MYO5A: variants seen among roughly 807,000 people sequenced by gnomAD.
The protein encoded by MYO5A is myosin VA, also known as unconventional myosin-Va.
A neutral mutation model predicts 249.7 loss-of-function variants in MYO5A; 98 were observed. That is an observed-to-expected ratio of 0.39 (90% CI 0.33 to 0.46). The LOEUF is 0.46. Ranked by LOEUF, MYO5A falls within the 20% of genes least tolerant of loss-of-function variation. The probability of loss-of-function intolerance (pLI) is 0.98; values close to 1 mark genes in which losing one functional copy is unlikely to be tolerated. For missense variants in MYO5A, 1,696 were observed against 2,308.8 expected, an observed-to-expected ratio of 0.73 and a Z score of 5.44; for synonymous variants, 778 against 810.6, an observed-to-expected ratio of 0.96 and a Z score of 0.68.
chr15:52,340,085 T>A, intron 32 of MYO5A, 111 bp downstream of exon 32: 2 of 1,123,170 alleles, frequency 1.8e-6, no homozygotes, highest in Non-Finnish European at 1.3e-6. Flanking sequence ...GGGTAACAAG[T>A]ACAGAGGGGT....
chr15:52,476,591 G>A (rs2076599799), intron 1 of MYO5A, among the ~76,000 whole-genome samples: 1 of 152,150 alleles, frequency 6.6e-6, no homozygotes, highest in African/African-American at 2.4e-5. Flanking sequence ...AGGCCTGGTG[G>A]TGACAAAATC....
intron 38 of MYO5A, among the ~76,000 whole-genome samples, chr15:52,319,904 T>C (rs1171209352): frequency 6.6e-6 from 1 of 152,242 alleles, no homozygotes; most frequent in Non-Finnish European, 1.5e-5. Context: ...TAAGAAGCAG[T>C]AGCCTTGTGA....
rs897849019 is a variant in MYO5A at position 52,484,836 on chromosome 15, G to A, written c.27+43944C>T. Reference sequence around the variant, plus strand: ...AGCCTGGCCAACATGGTGAAACCCCGTCTCTACTGAAAATACAAAGAAATA... The same window carrying A: ...AGCCTGGCCAACATGGTGAAACCCCATCTCTACTGAAAATACAAAGAAATA... On this transcript the variant is annotated intron_variant, in intron 1 of 41. Transcript: ENST00000399233. Among the ~76,000 whole-genome samples, 5 of 151,678 alleles carry A rather than the reference G, an allele frequency of 3.3e-5. No homozygotes were observed. In the East Asian group the frequency reaches 5.8e-4, roughly 18 times the overall value.
chr15:52,459,940 G>A (rs7173411), intron 1 of MYO5A, among the ~76,000 whole-genome samples: 4 of 149,720 alleles, frequency 2.7e-5, no homozygotes, highest in African/African-American at 7.4e-5. Flanking sequence ...CGGGGCGGCC[G>A]GTCAGAGACG....
At chr15:52,393,468 A>G (rs1432412257) in intron 11 of MYO5A, among the ~76,000 whole-genome samples, 1 of 150,826 alleles carries the variant, frequency 6.6e-6, no homozygotes, top group African/African-American at 2.4e-5. Context: ...GTCTGGGCTC[A>G]CTGCAACCTC....
At chr15:52,439,644 T>C (rs1012466487) in intron 1 of MYO5A, among the ~76,000 whole-genome samples, 1 of 152,166 alleles carries the variant, frequency 6.6e-6, no homozygotes, top group African/African-American at 2.4e-5. Flanking sequence ...GGATTTTCCA[T>C]GAAGCCATAC....
Position 52,310,623 on chromosome 15 carries a change from A to T in MYO5A, c.*3073T>A, listed in dbSNP as rs1324289978. On this transcript the variant is annotated 3_prime_UTR_variant, in exon 42 of 42. Transcript: ENST00000399233. ...GGAAGGCCAGCAGGGGCAACTGAGG[A>T]CTGACTCCATCCACCTGCCTTCAGT... 3 of 152,336 alleles carry T rather than the reference A, an allele frequency of 2.0e-5. No homozygotes were observed. The highest frequency in any genetic ancestry group is 4.4e-5 in the Non-Finnish European group (3 of 68,126). 9.4% of individuals were successfully genotyped at this position (152,336 alleles called of 1,614,324 possible). A position where few individuals can be genotyped will look rare whatever the true frequency, so the allele number is the denominator to read the frequency against.
chr15:52,418,665 G>A (rs936377811), intron 4 of MYO5A, among the ~76,000 whole-genome samples: 1 of 150,608 alleles, frequency 6.6e-6, no homozygotes, highest in Non-Finnish European at 1.5e-5. Flanking sequence ...AGGAAATGGA[G>A]TTAAATTATG....
At chr15:52,522,233 G>A (rs2077637497) in intron 1 of MYO5A, among the ~76,000 whole-genome samples, 1 of 152,208 alleles carries the variant, frequency 6.6e-6, no homozygotes, top group Admixed American at 6.5e-5. Flanking sequence ...CTTTTGGGGT[G>A]ATGGAAATGT....
intron 27 of MYO5A, among the ~76,000 whole-genome samples, chr15:52,352,925 C>G (rs866562020): frequency 6.6e-6 from 1 of 152,206 alleles, no homozygotes; most frequent in Admixed American, 6.5e-5. Context: ...CTCCCACCAA[C>G]TGGTAATCAG....
At chr15:52,526,364 TTTTA>T (rs1024468559) in intron 1 of MYO5A, among the ~76,000 whole-genome samples, 2 of 152,012 alleles carry the variant, frequency 1.3e-5, no homozygotes, top group South Asian at 2.1e-4. Flanking sequence ...CCCAGCTAAT[TTTTA>T]TTTATTTATT....
At chr15:52,343,093 C>G (rs1207033633) in intron 31 of MYO5A, 24 bp downstream of exon 31, 3 of 1,582,186 alleles carry the variant, frequency 1.9e-6, no homozygotes, top group Non-Finnish European at 2.6e-6. Context: ...TAATAACATT[C>G]CATTTTGAGG....
chr15:52,343,166 CA>C lies in MYO5A; in HGVS notation c.3990del (p.Asn1330LysfsTer13). ...TAAACCAGCCACAGCTCTCCATCCT[CA>C]TTCAACTCATGGTAATCCAGAGCAG... ...RSSALDYHELNEDGELWLVYE... is the reference protein window; with the variant it reads ...RSSALDYHELXEDGELWLVYE... On this transcript the variant is annotated frameshift_variant, in exon 31 of 42. Coordinates refer to ENST00000399233, the MANE Select transcript of MYO5A (RefSeq NM_001382347.1). LOFTEE classifies it high-confidence loss of function. The C allele has an allele frequency of 6.2e-7, 1 of 1,613,972 alleles. No individual in the cohort carries two copies. The highest frequency in any genetic ancestry group is 8.5e-7 in the Non-Finnish European group (1 of 1,179,834).
At position 52,321,419 on chromosome 15, in the gene MYO5A, C is replaced by T; in HGVS notation, c.4891G>A (p.Ala1631Thr). Reference protein sequence around the residue: ...AEYRQVLSDLAIQIYQQLVRV... With the variant: ...AEYRQVLSDLTIQIYQQLVRV... The stretch of plus-strand genomic sequence containing the variant: ...ACGAGCTGCTGGTAGATCTGAATGG[C>T]CAAGTCACTCAGCACCTGCCGATAC... Residue 1631 changes from alanine to threonine, a missense_variant, in exon 38 of 42, where the codon GCC (alanine) becomes ACC (threonine). By Grantham distance (58) the Ala-to-Thr change is moderately conservative (BLOSUM62 0). Around this residue, in one of 5 missense-constraint regions of MYO5A, gnomAD observed 625 missense variants for 908.1 expected, o/e 0.69. Transcript: ENST00000399233. The T allele has an allele frequency of 6.2e-7, 1 of 1,614,184 alleles. No individual in the cohort carries two copies. Among genetic ancestry groups the T allele is most frequent in the Non-Finnish European group, 8.5e-7 (1 of 1,180,038 alleles).
chr15:52,418,990 A>G (rs867497233), intron 4 of MYO5A, among the ~76,000 whole-genome samples: 27 of 152,234 alleles, frequency 1.8e-4, no homozygotes, highest in African/African-American at 1.7e-4. Context: ...AAGATCATCA[A>G]CTTGTCCTCT....
At chr15:52,479,234 T>A (rs2141484313) in intron 1 of MYO5A, among the ~76,000 whole-genome samples, 1 of 152,212 alleles carries the variant, frequency 6.6e-6, no homozygotes, top group East Asian at 1.9e-4. Context: ...CTCCTCAGCC[T>A]CCCAAAGTGC....
intron 19 of MYO5A, 135 bp from the exon 20 acceptor site, chr15:52,375,595 C>T (rs1351532531): frequency 2.1e-6 from 2 of 935,978 alleles, no homozygotes; most frequent in African/African-American, 1.6e-5. Flanking sequence ...AATGTGCATG[C>T]TAAGTCAACA....
In MYO5A at chr15:52,439,816, GA is replaced by G. The variant is rs1363024363; in HGVS notation, c.28-6532del. 2.0e-5 allele frequency among the ~76,000 whole-genome samples: 3 copies of G among 152,138 alleles called. No individual in the cohort carries two copies. The South Asian group carries it at 6.2e-4, about 32-fold the overall frequency. ...TGAGATTTGAGGTATTGGGATTAAA[GA>G]AAAAACCTAGGGAGGGAGAAATGAG... On this transcript the variant is annotated intron_variant, in intron 1 of 41. Coordinates refer to ENST00000399233, the MANE Select transcript of MYO5A (RefSeq NM_001382347.1).
At chr15:52,447,197 TGGG>T (rs1036871325) in intron 1 of MYO5A, among the ~76,000 whole-genome samples, 2 of 152,134 alleles carry the variant, frequency 1.3e-5, no homozygotes, top group African/African-American at 4.8e-5. Context: ...GTTTGGATCA[TGGG>T]GGCGGCTCCC....
Sources: gnomAD v4.1 joint callset for allele counts (sites outside exome capture counted in the v4.1 genomes callset) on GRCh38, gnomAD v4.1.1 for gene constraint, gnomAD v4.1.1 regional missense constraint, MANE v1.5 for transcripts, NCBI Gene and HGNC (gene_info 2026-07-23, HGNC 2026-07-21) for gene names.